TIMM22: variants seen among roughly 807,000 people sequenced by gnomAD.
The protein encoded by TIMM22 is mitochondrial import inner membrane translocase subunit Tim22.
A neutral mutation model predicts 18.3 loss-of-function variants in TIMM22; 12 were observed. The ratio of observed to expected loss-of-function variants is 0.65; its 90% CI spans 0.42 to 1.06. The LOEUF is 1.06. Among genes scored for constraint, TIMM22 ranks in the 50% least tolerant of loss-of-function variants. TIMM22 has a pLI of 0.00. For missense variants in TIMM22, 278 were observed against 252.8 expected (o/e 1.10, Z -0.68); for synonymous variants, 107 against 98.5 (o/e 1.09, Z -0.51).
intron 1 of TIMM22, among the ~76,000 whole-genome samples, chr17:997,673 C>T (rs2069697653): frequency 6.6e-6 from 1 of 152,092 alleles, no homozygotes; most frequent in Non-Finnish European, 1.5e-5. Flanking sequence ...ATTAGCTGGA[C>T]GTGGTGGTGG....
At chr17:1,000,382 T>C (rs1346264649) in intron 3 of TIMM22, among the ~76,000 whole-genome samples, 1 of 151,692 alleles carries the variant, frequency 6.6e-6, no homozygotes, top group Non-Finnish European at 1.5e-5. Context: ...CCCGTTGGCA[T>C]GTCCATTCAG....
intron 3 of TIMM22, 82 bp downstream of exon 3, chr17:999,666 T>C: frequency 6.4e-6 from 8 of 1,259,476 alleles, no homozygotes; most frequent in Non-Finnish European, 9.1e-6. Flanking sequence ...ACACGAGTGT[T>C]CCAGGGACAC....
rs769655029 is a variant in TIMM22, at chr17:998,980, G to C, written c.435+5G>C. The C allele has an allele frequency of 6.2e-7, 1 of 1,604,636 alleles. No individual in the cohort carries two copies. Among genetic ancestry groups the C allele is most frequent in the Non-Finnish European group, 8.5e-7 (1 of 1,172,884 alleles). ...ACTGAGTGTTTGATAGAATCTGTAA[G>C]TGTCTCTGCCTTCTAAGAAATCCTT... On this transcript the variant is annotated splice_donor_5th_base_variant and intron_variant, in intron 2 of 3. Coordinates refer to ENST00000327158, the MANE Select transcript of TIMM22 (RefSeq NM_013337.4).
chr17:1,001,028 G>A lies in TIMM22; in HGVS notation c.525G>A (p.Gly175=). 1.2e-6 allele frequency: 2 copies of A among 1,614,020 alleles called. No individual in the cohort carries two copies. Among genetic ancestry groups the A allele is most frequent in the South Asian group, 1.1e-5 (1 of 91,076 alleles). ...GTTTGACAGCTGGCTTAAAGGCTGG[G>A]GCCATTGGTTGTGGAGGTTTTGCTG... is the stretch of plus-strand genomic sequence containing the variant. ...AIGFRAGLKA[G]AIGCGGFAAF... The change falls in exon 4 of 4, where the codon GGG becomes GGA. Residue 175 remains glycine, a synonymous_variant. Transcript: ENST00000327158.
At position 997,241 on chromosome 17, in the gene TIMM22, G is replaced by A. The variant is rs369722773; in HGVS notation, c.99G>A (p.Val33=). ...LQYSLLLQYL[V]GDKRQPRLLE... is the part of the protein sequence containing the mutation. Reference sequence around the variant, plus strand: ...ACAGCCTGCTCCTGCAGTACCTGGTGGGTGACAAGCGTCAGCCCCGGCTCC... The same window carrying A: ...ACAGCCTGCTCCTGCAGTACCTGGTAGGTGACAAGCGTCAGCCCCGGCTCC... The change falls in exon 1 of 4, where the codon GTG becomes GTA. Residue 33 remains valine, a synonymous_variant. Coordinates refer to ENST00000327158, the MANE Select transcript of TIMM22 (RefSeq NM_013337.4). 2 of 1,613,388 alleles carry A rather than the reference G, an allele frequency of 1.2e-6. No individual in the cohort carries two copies. Among genetic ancestry groups the A allele is most frequent in the African/African-American group, 2.7e-5 (2 of 74,948 alleles).
chr17:1,000,363 C>T (rs1462246064), intron 3 of TIMM22, among the ~76,000 whole-genome samples: 2 of 151,192 alleles, frequency 1.3e-5, no homozygotes, highest in African/African-American at 4.9e-5. Context: ...CAATTTGCTG[C>T]CTCTTCTCCC....
At chr17:1,000,459 T>C (rs2069733002) in intron 3 of TIMM22, among the ~76,000 whole-genome samples, 1 of 152,156 alleles carries the variant, frequency 6.6e-6, no homozygotes, top group Non-Finnish European at 1.5e-5. Context: ...CTGGGCCACT[T>C]TCCATCTGTC....
rs191906796 is a variant in TIMM22 at position 1,000,106 on chromosome 17, G to A, written c.508+522G>A. 1.5e-4 allele frequency among the ~76,000 whole-genome samples: 22 copies of A among 151,104 alleles called. 1 individual carries two copies. In the South Asian group the frequency reaches 2.5e-3, roughly 17 times the overall value. ...GTAGAGATCAATTTCACCTGGTCTC[G>A]AACTCCTGACCTCGTGATCTGCCTG... On this transcript the variant is annotated intron_variant, in intron 3 of 3. Coordinates refer to ENST00000327158, the MANE Select transcript of TIMM22 (RefSeq NM_013337.4).
At chr17:1,000,329 CAAAA>C (rs59329011) in intron 3 of TIMM22, among the ~76,000 whole-genome samples, 46 of 137,686 alleles carry the variant, frequency 3.3e-4, no homozygotes, top group Admixed American at 5.1e-4. Context: ...TTATCAGCTG[CAAAA>C]AAAAAAAAAA....
In TIMM22 at chr17:1,001,772, T is replaced by TA. The variant is rs528826456; in HGVS notation, c.*685dup. 617 of 152,500 alleles carry TA rather than the reference T, an allele frequency of 4.0e-3. 11 individuals are homozygous for TA. Among genetic ancestry groups the TA allele is most frequent in the Non-Finnish European group, 4.8e-3 (329 of 68,214 alleles). 9.4% of individuals were successfully genotyped at this position (152,500 alleles called of 1,614,324 possible). On this transcript the variant is annotated 3_prime_UTR_variant, in exon 4 of 4. Transcript: ENST00000327158. ...GGATGGGGCGCTGAGGCAGGGTTGTTAGAGGACTGTGTCATCCTCACCAAG... is the reference window on the plus strand; with the variant it reads ...GGATGGGGCGCTGAGGCAGGGTTGTTAAGAGGACTGTGTCATCCTCACCAAG...
In TIMM22 at chr17:998,798, A is replaced by G. The variant is rs1293800291; in HGVS notation, c.258A>G (p.Ala86=). 1 of 1,613,832 alleles carries G rather than the reference A, an allele frequency of 6.2e-7. No individual in the cohort carries two copies. The highest frequency in any genetic ancestry group is 1.1e-5 in the South Asian group (1 of 91,054). Residue 86 remains alanine, a synonymous_variant, in exon 2 of 4, where the codon GCA becomes GCG. Coordinates refer to ENST00000327158, the MANE Select transcript of TIMM22 (RefSeq NM_013337.4). ...ACVGGFVLGG[A]FGVFTAGIDT... ...TTCTAGGATTTGTCTTAGGAGGTGC[A>G]TTTGGGGTGTTTACCGCTGGCATCG...
Position 997,456 on chromosome 17 carries a change from C to T in TIMM22, c.238+76C>T. 4 of 1,434,312 alleles carry T rather than the reference C, an allele frequency of 2.8e-6. No homozygotes were observed. The African/African-American group carries it at 4.3e-5, about 15-fold the overall frequency. 88.8% of individuals were successfully genotyped at this position (1,434,312 alleles called of 1,614,324 possible). On this transcript the variant is annotated intron_variant, in intron 1 of 3. Coordinates refer to ENST00000327158, the MANE Select transcript of TIMM22 (RefSeq NM_013337.4). ...GGGGATCTCTGCCGAGAAGACCACG[C>T]GCCTGGGAGGCGAGGGACTGCGGGC...
At position 999,354 on chromosome 17, in the gene TIMM22, T is replaced by TAC. The variant is rs1305332032; in HGVS notation, c.436-157_436-156insCA. 7.0e-4 allele frequency among the ~76,000 whole-genome samples: 79 copies of TAC among 112,970 alleles called. 1 individual carries two copies. Among genetic ancestry groups the TAC allele is most frequent in the African/African-American group, 2.3e-3 (70 of 30,742 alleles). 74.1% of individuals were successfully genotyped at this position (112,970 alleles called of 152,430 possible). ...ATATATATATATATATATATATATA[T>TAC]ATATACACGCTGTATACTTAGGAAC... On this transcript the variant is annotated intron_variant, in intron 2 of 3. Transcript: ENST00000327158.
Position 1,002,093 on chromosome 17 carries a change from G to C in TIMM22, c.*1005G>C, listed in dbSNP as rs1369847629. On this transcript the variant is annotated 3_prime_UTR_variant, in exon 4 of 4. Transcript: ENST00000327158. ...TCAAGGAAGTGTTTTAACATGTCGT[G>C]TTTTCGACTTGACCTTGTGGTATTT... 7 of 150,890 alleles carry C rather than the reference G, an allele frequency of 4.6e-5. No homozygotes were observed. The highest frequency in any genetic ancestry group is 1.7e-4 in the African/African-American group (7 of 40,926). The allele number at this position is 150,890 out of a possible 1,614,324, so 9.3% of individuals were successfully genotyped here.
chr17:999,623 T>C (rs761960175), intron 3 of TIMM22, 39 bp downstream of exon 3: 2 of 1,597,614 alleles, frequency 1.3e-6, no homozygotes, highest in East Asian at 2.2e-5. Context: ...CTTTGTGGCC[T>C]TGGACAACGT....
At chr17:1,000,371 C>A (rs1055008084) in intron 3 of TIMM22, among the ~76,000 whole-genome samples, 6 of 151,982 alleles carry the variant, frequency 3.9e-5, no homozygotes, top group Non-Finnish European at 8.8e-5. Context: ...TGCCTCTTCT[C>A]CCCGTTGGCA....
chr17:999,358 T>TATATATATACATACAC (rs1408779709), intron 2 of TIMM22, among the ~76,000 whole-genome samples, 154 bp from the exon 3 acceptor site: 1 of 132,584 alleles, frequency 7.5e-6, no homozygotes, highest in African/African-American at 3.2e-5. Context: ...TATATATATA[T>TATATATATACATACAC]ACACGCTGTA....
intron 2 of TIMM22, among the ~76,000 whole-genome samples, 154 bp downstream of exon 2, chr17:999,129 C>T (rs187000166): frequency 1.7e-4 from 26 of 152,014 alleles, no homozygotes; most frequent in Non-Finnish European, 3.2e-4. Flanking sequence ...ATAAAATAGT[C>T]CCTGTGGCAG....
chr17:999,318 G>A (rs937453307), intron 2 of TIMM22, among the ~76,000 whole-genome samples, 194 bp from the exon 3 acceptor site: 10 of 97,226 alleles, frequency 1.0e-4, no homozygotes, highest in South Asian at 6.2e-4. Context: ...ATCTATGAAC[G>A]CATACTATAT....
Sources: gnomAD v4.1 joint callset for allele counts (sites outside exome capture counted in the v4.1 genomes callset) on GRCh38, gnomAD v4.1.1 for gene constraint, MANE v1.5 for transcripts, NCBI Gene and HGNC (gene_info 2026-07-23, HGNC 2026-07-21) for gene names.